Variants in SHB observed in about 807,000 individuals in gnomAD.
SHB encodes the protein SH2 domain containing adaptor protein B, also known as SH2 domain-containing adapter protein B.
SHB carries 20 observed loss-of-function variants against 52.3 expected under a neutral mutation model. That is an observed-to-expected ratio of 0.38 (90% CI 0.27 to 0.56). The LOEUF (loss-of-function observed/expected upper bound fraction) is 0.56. Among genes scored for constraint, SHB ranks in the 20% least tolerant of loss-of-function variants. SHB has a pLI of 0.71. For missense variants in SHB, 825 were observed against 723.3 expected (o/e 1.14, Z -1.61); for synonymous variants, 397 against 316.5 (o/e 1.25, Z -2.70).
At chr9:38,050,062 A>T (rs1821719812) in intron 1 of SHB, among the ~76,000 whole-genome samples, 1 of 152,196 alleles carries the variant, frequency 6.6e-6, no homozygotes, top group African/African-American at 2.4e-5. Context: ...AAGTGCTGGG[A>T]TTACAGGCGT....
chr9:38,030,576 T>G (rs139625534), intron 1 of SHB, among the ~76,000 whole-genome samples: 2 of 152,330 alleles, frequency 1.3e-5, no homozygotes, highest in Non-Finnish European at 2.9e-5. Context: ...GACTGATGTT[T>G]ATAGTTTCCA....
intron 2 of SHB, among the ~76,000 whole-genome samples, chr9:37,978,389 G>A (rs1006398748): frequency 3.9e-5 from 6 of 152,134 alleles, no homozygotes; most frequent in Admixed American, 6.6e-5. Context: ...ATTACATGGC[G>A]AATTCAAATT....
At chr9:38,041,861 C>T (rs1042459229) in intron 1 of SHB, among the ~76,000 whole-genome samples, 2 of 152,290 alleles carry the variant, frequency 1.3e-5, no homozygotes, top group East Asian at 1.9e-4. Flanking sequence ...CAGCCGAAGT[C>T]GGCTCTCAAA....
chr9:37,995,241 G>T (rs576721350), intron 2 of SHB, among the ~76,000 whole-genome samples: 15 of 152,288 alleles, frequency 9.8e-5, no homozygotes, highest in African/African-American at 3.6e-4. Flanking sequence ...CCAGCCACAG[G>T]CCACATGACC....
In SHB at chr9:37,918,486, G is replaced by GCT. The variant is rs1158170261; in HGVS notation, c.*1333_*1334dup. Among the ~76,000 whole-genome samples the GCT allele has an allele frequency of 9.7e-6, 1 of 103,066 alleles. No individual in the cohort carries two copies. The highest frequency in any genetic ancestry group is 1.9e-5 in the Non-Finnish European group (1 of 51,540). The allele number at this position is 103,066 out of a possible 152,430, so 67.6% of individuals were successfully genotyped here. A position where few individuals can be genotyped will look rare whatever the true frequency, so the allele number is the denominator to read the frequency against. On this transcript the variant is annotated 3_prime_UTR_variant, in exon 6 of 6. Transcript: ENST00000377707. ...GTGGAAGCAGTGTGGACCACTGAGG[G>GCT]CTGTGTGTGTGTGTGTGTGTGTGTG...
At chr9:38,012,272 G>A (rs912052541) in intron 2 of SHB, among the ~76,000 whole-genome samples, 3 of 152,162 alleles carry the variant, frequency 2.0e-5, no homozygotes, top group African/African-American at 7.2e-5. Context: ...AGAGGCCCTG[G>A]AAAGAATGCT....
rs150134139 is a variant in SHB at position 37,916,545 on chromosome 9, T to C, written c.*3276A>G. 6.7e-3 allele frequency among the ~76,000 whole-genome samples: 1,027 copies of C among 152,294 alleles called. 7 individuals carry two copies. Among genetic ancestry groups the C allele is most frequent in the South Asian group, 0.014 (66 of 4,832 alleles). ...CCCTGTTGACCGGACGCCTTGCGGG[T>C]AGCTGCTTCAGGTTTCCCTCCTGCT... On this transcript the variant is annotated 3_prime_UTR_variant, in exon 6 of 6. Transcript: ENST00000377707.
intron 2 of SHB, among the ~76,000 whole-genome samples, chr9:38,000,278 T>G (rs1209176408): frequency 1.3e-5 from 2 of 152,220 alleles, no homozygotes; most frequent in African/African-American, 4.8e-5. Context: ...AGGGACTCTC[T>G]AACCATGGGA....
intron 5 of SHB, among the ~76,000 whole-genome samples, chr9:37,933,914 C>T (rs1832340480): frequency 6.6e-6 from 1 of 152,242 alleles, no homozygotes; most frequent in African/African-American, 2.4e-5. Context: ...GAAGGTCCCT[C>T]AGAGACAGGA....
At chr9:38,051,980 C>T (rs938077343) in intron 1 of SHB, among the ~76,000 whole-genome samples, 19 of 152,190 alleles carry the variant, frequency 1.2e-4, no homozygotes, top group Admixed American at 2.0e-4. Flanking sequence ...GATCAGCATC[C>T]CGCGTTGGCT....
intron 2 of SHB, among the ~76,000 whole-genome samples, chr9:37,999,704 G>C (rs1351770961): frequency 6.6e-6 from 1 of 152,206 alleles, no homozygotes; most frequent in Non-Finnish European, 1.5e-5. Context: ...TGTTCTGGGA[G>C]ATTGTGTCCC....
chr9:38,023,290 A>C (rs1472898999), intron 1 of SHB, among the ~76,000 whole-genome samples: 1 of 152,204 alleles, frequency 6.6e-6, no homozygotes, highest in African/African-American at 2.4e-5. Flanking sequence ...GTTTTCTCTG[A>C]GTTTCGGCAG....
At chr9:38,052,852 G>A (rs1015357924) in intron 1 of SHB, among the ~76,000 whole-genome samples, 4 of 152,132 alleles carry the variant, frequency 2.6e-5, no homozygotes, top group South Asian at 2.1e-4. Context: ...CCCCTCTCCC[G>A]GGATGTCCTC....
intron 1 of SHB, among the ~76,000 whole-genome samples, chr9:38,049,254 C>T (rs2118161120): frequency 6.6e-6 from 1 of 152,340 alleles, no homozygotes; most frequent in South Asian, 2.1e-4. Flanking sequence ...AGCGATCCTC[C>T]TGCCTCGGCC....
rs138115429 is a variant in SHB at position 38,049,426 on chromosome 9, T to C, written c.717+18503A>G. Among the ~76,000 whole-genome samples, 499 of 152,052 alleles carry C rather than the reference T, an allele frequency of 3.3e-3. 3 individuals carry two copies. The highest frequency in any genetic ancestry group is 6.8e-3 in the Middle Eastern group (2 of 294). ...GAGTTTGAAACCAGCCTAGCCAACA[T>C]GGCAAAAGCCCATCTCTACTAAAAG... On this transcript the variant is annotated intron_variant, in intron 1 of 5. Coordinates refer to ENST00000377707, the MANE Select transcript of SHB (RefSeq NM_003028.3).
intron 3 of SHB, among the ~76,000 whole-genome samples, chr9:37,969,513 C>G (rs1410905319): frequency 1.3e-5 from 2 of 152,342 alleles, no homozygotes; most frequent in East Asian, 3.9e-4. Flanking sequence ...GAAGTGGGAA[C>G]TACTGGTCTT....
At chr9:38,063,773 G>T (rs942056943) in intron 1 of SHB, among the ~76,000 whole-genome samples, 3 of 148,350 alleles carry the variant, frequency 2.0e-5, no homozygotes, top group Non-Finnish European at 3.0e-5. Flanking sequence ...CTAGCAGGCA[G>T]TTTAGAAACT....
At chr9:37,957,172 C>A (rs940766419) in intron 3 of SHB, among the ~76,000 whole-genome samples, 6 of 152,166 alleles carry the variant, frequency 3.9e-5, no homozygotes, top group Non-Finnish European at 8.8e-5. Flanking sequence ...GAGGAAGGTT[C>A]CTGAAGCCGA....
intron 2 of SHB, among the ~76,000 whole-genome samples, chr9:37,982,509 T>C (rs1820745456): frequency 6.6e-6 from 1 of 151,674 alleles, no homozygotes; most frequent in African/African-American, 2.4e-5. Context: ...AATGGATAAG[T>C]AGGCCGGGTG....
Sources: allele counts gnomAD v4.1 joint callset (sites outside exome capture counted in the v4.1 genomes callset), GRCh38; gene constraint gnomAD v4.1.1; transcripts MANE v1.5; gene names NCBI Gene and HGNC (gene_info 2026-07-23, HGNC 2026-07-21).